KRT79: variants seen among roughly 807,000 people sequenced by gnomAD.
KRT79 encodes keratin, type II cytoskeletal 79.
A neutral mutation model predicts 49.0 loss-of-function variants in KRT79; 51 were observed. That is an observed-to-expected ratio of 1.04 (90% CI 0.83 to 1.31). KRT79 has a LOEUF of 1.31. KRT79 is among the 40% of genes most tolerant of loss of function. KRT79 has a pLI of 0.00. For synonymous variants in KRT79, 312 were observed against 286.6 expected, an observed-to-expected ratio of 1.09 and a Z score of -0.90; for missense variants, 728 against 688.0, an observed-to-expected ratio of 1.06 and a Z score of -0.65.
Position 52,821,463 on chromosome 12 carries a change from A to G in KRT79, c.*409T>C, listed in dbSNP as rs1037634533. ...ACAGCTAGCTGCAGTTGCACCATTT[A>G]TTGAGACACAGACAGGGAAGGGGGA... On this transcript the variant is annotated 3_prime_UTR_variant, in exon 9 of 9. Transcript: ENST00000330553. The G allele has an allele frequency of 1.9e-5, 4 of 214,940 alleles. No individual in the cohort carries two copies. The highest frequency in any genetic ancestry group is 5.3e-5 in the Admixed American group (1 of 18,728). 13.3% of individuals were successfully genotyped at this position (214,940 alleles called of 1,614,324 possible). A position where few individuals can be genotyped will look rare whatever the true frequency, so the allele number is the denominator to read the frequency against.
At chr12:52,827,226 G>T (rs534713083) in intron 4 of KRT79, among the ~76,000 whole-genome samples, 3 of 83,624 alleles carry the variant, frequency 3.6e-5, no homozygotes, top group African/African-American at 2.0e-4. Context: ...GGAAGGGTCA[G>T]CCATGGCGTC....
At chr12:52,831,379 T>G in intron 2 of KRT79, 27 bp downstream of exon 2, 1 of 1,606,784 alleles carries the variant, frequency 6.2e-7, no homozygotes, top group Non-Finnish European at 8.5e-7. Context: ...CACTCCCACA[T>G]GGCCCCGCCT....
intron 4 of KRT79, among the ~76,000 whole-genome samples, chr12:52,824,816 T>A (rs1247817258): frequency 3.9e-5 from 6 of 152,030 alleles, no homozygotes; most frequent in Non-Finnish European, 5.9e-5. Context: ...TGCACCACCA[T>A]CCACAGTAGT....
intron 4 of KRT79, among the ~76,000 whole-genome samples, 170 bp from the exon 5 acceptor site, chr12:52,824,532 G>A (rs1173741234): frequency 1.3e-5 from 2 of 152,202 alleles, no homozygotes; most frequent in African/African-American, 2.4e-5. Context: ...AGTCTCCCCA[G>A]CTATAAAATG....
At chr12:52,822,936 G>A (rs1156711339) in intron 7 of KRT79, 80 bp downstream of exon 7, 15 of 1,424,822 alleles carry the variant, frequency 1.1e-5, no homozygotes, top group Non-Finnish European at 1.2e-5. Context: ...TCCCTCTCTT[G>A]ACCCCGGAGC....
At chr12:52,822,808 TCAGCCA>T (rs1426577749) in intron 7 of KRT79, among the ~76,000 whole-genome samples, 1 of 152,176 alleles carries the variant, frequency 6.6e-6, no homozygotes, top group East Asian at 1.9e-4. Context: ...TACCGGGCTG[TCAGCCA>T]CAGTAAAGAT....
In KRT79 at chr12:52,834,022, A is replaced by G. The variant is rs1368877804; in HGVS notation, c.239T>C (p.Leu80Ser). The G allele has an allele frequency of 6.2e-7, 1 of 1,612,672 alleles. No homozygotes were observed. Residue 80 changes from leucine (L) to serine (S), a missense_variant, in exon 1 of 9, where the codon TTG becomes TCG. Leu to Ser is a moderately radical substitution (Grantham distance 145, BLOSUM62 -2). Transcript: ENST00000330553. ...AAAGCCCCCCAGAGCCCGCCCCAACAAGGCCCCTCCGGCCACACTGACAGA... is the reference window on the plus strand; with the variant it reads ...AAAGCCCCCCAGAGCCCGCCCCAACGAGGCCCCTCCGGCCACACTGACAGA... The part of the protein sequence containing the change: ...SISVSVAGGA[L>S]LGRALGGFGF...
chr12:52,833,291 C>T (rs1940282784), intron 1 of KRT79, among the ~76,000 whole-genome samples: 1 of 152,198 alleles, frequency 6.6e-6, no homozygotes. Flanking sequence ...GTGTTTTGAT[C>T]ACATCTTGCC....
intron 6 of KRT79, among the ~76,000 whole-genome samples, chr12:52,823,564 C>A (rs927606350): frequency 6.6e-6 from 1 of 152,230 alleles, no homozygotes; most frequent in Non-Finnish European, 1.5e-5. Context: ...TTTAGCCGTT[C>A]TAAAGGTGGA....
chr12:52,832,734 G>T (rs1209203839), intron 1 of KRT79, among the ~76,000 whole-genome samples: 1 of 152,162 alleles, frequency 6.6e-6, no homozygotes. Context: ...TGTGCCTATT[G>T]TGAGCAGTAA....
chr12:52,824,453 C>T lies in KRT79; in HGVS notation c.856-91G>A, dbSNP rs912018176. ...AAGGACATGGGCCCCCAGGTAGCAT[C>T]AGGAGGCCTGTGCTCTTGTCCAGGC... On this transcript the variant is annotated intron_variant, in intron 4 of 8. Transcript: ENST00000330553. 9.0e-6 allele frequency: 12 copies of T among 1,335,566 alleles called. No homozygotes were observed. In the African/African-American group the frequency reaches 1.7e-4, roughly 19 times the overall value. 82.7% of individuals were successfully genotyped at this position (1,335,566 alleles called of 1,614,324 possible).
In KRT79 at chr12:52,834,062, C is replaced by CT. The variant is rs1426863284; in HGVS notation, c.198_199insA (p.Gly67ArgfsTer66). The CT allele has an allele frequency of 6.2e-7, 1 of 1,613,628 alleles. No individual in the cohort carries two copies. Among genetic ancestry groups the CT allele is most frequent in the Non-Finnish European group, 8.5e-7 (1 of 1,179,916 alleles). On this transcript the variant is annotated frameshift_variant, in exon 1 of 9. Transcript: ENST00000330553. LOFTEE classifies it high-confidence loss of function. ...ACACTGACAGAGATACTCTTGTGGC[C>CT]CCCCAAGTTATAGAGGCTTCGGCTG...
chr12:52,825,135 C>T (rs1333743886), intron 4 of KRT79, among the ~76,000 whole-genome samples: 1 of 152,166 alleles, frequency 6.6e-6, no homozygotes, highest in Non-Finnish European at 1.5e-5. Flanking sequence ...ACTGTGATGG[C>T]TCCCACGTGG....
At position 52,831,527 on chromosome 12, in the gene KRT79, G is replaced by C. The variant is rs1384640691; in HGVS notation, c.577C>G (p.Pro193Ala). The change falls in exon 2 of 9, where the codon CCC (proline) becomes GCC (alanine). Residue 193 changes from proline (P) to alanine (A), a missense_variant. Transcript: ENST00000330553. ...CTACCCAGGTAGGCCTCAAAGAGGG[G>C]CTCCAGGTTGTTCCTGGTGACACCC... Reference protein sequence around the residue: ...NLGVTRNNLEPLFEAYLGSMR... With the variant: ...NLGVTRNNLEALFEAYLGSMR... 3.1e-6 allele frequency: 5 copies of C among 1,614,208 alleles called. No homozygotes were observed. In the East Asian group the frequency reaches 1.1e-4, roughly 36 times the overall value.
At chr12:52,824,440 C>T (rs1940149473) in intron 4 of KRT79, 78 bp from the exon 5 acceptor site, 3 of 1,447,902 alleles carry the variant, frequency 2.1e-6, no homozygotes, top group East Asian at 2.3e-5. Context: ...GGACATGGGC[C>T]CCCAGGTAGC....
intron 2 of KRT79, 75 bp downstream of exon 2, chr12:52,831,331 G>T: frequency 1.4e-6 from 2 of 1,411,192 alleles, no homozygotes; most frequent in South Asian, 1.2e-5. Flanking sequence ...CCCTGGGAAT[G>T]GGGTGGCCCT....
chr12:52,827,450 G>A (rs114680450), intron 4 of KRT79, among the ~76,000 whole-genome samples: 3,106 of 152,328 alleles, frequency 0.02, 119 homozygotes, highest in African/African-American at 0.07. Context: ...TCAGAAAAGA[G>A]GGGGAGAGAG....
intron 2 of KRT79, among the ~76,000 whole-genome samples, chr12:52,830,776 T>C (rs1305946216): frequency 6.6e-6 from 1 of 152,246 alleles, no homozygotes; most frequent in Admixed American, 6.5e-5. Flanking sequence ...CAACCAATTA[T>C]AATATATAAA....
intron 6 of KRT79, among the ~76,000 whole-genome samples, chr12:52,823,613 C>G (rs770036907): frequency 1.2e-4 from 18 of 152,228 alleles, no homozygotes; most frequent in Non-Finnish European, 2.2e-4. Context: ...CTTGAACCCT[C>G]TACCTCCTGT....
Sources: allele counts gnomAD v4.1 joint callset (sites outside exome capture counted in the v4.1 genomes callset), GRCh38; gene constraint gnomAD v4.1.1; transcripts MANE v1.5; gene names NCBI Gene and HGNC (gene_info 2026-07-23, HGNC 2026-07-21).